PNPLA3: variants seen among roughly 807,000 people sequenced by gnomAD.
PNPLA3 encodes the protein 1-acylglycerol-3-phosphate O-acyltransferase PNPLA3.
PNPLA3 carries 42 observed loss-of-function variants against 43.1 expected under a neutral mutation model. That is an observed-to-expected ratio of 0.97 (90% CI 0.76 to 1.26). PNPLA3 has a LOEUF of 1.26. Ranked by LOEUF, PNPLA3 falls within the 50% of genes most tolerant of loss-of-function variation. The pLI, the probability that PNPLA3 is intolerant of heterozygous loss-of-function variation, is 0.00. For synonymous variants in PNPLA3, 272 were observed against 253.6 expected, an observed-to-expected ratio of 1.07 and a Z score of -0.69; for missense variants, 647 against 621.4, an observed-to-expected ratio of 1.04 and a Z score of -0.44.
chr22:43,939,854 C>T, intron 6 of PNPLA3, 139 bp from the exon 7 acceptor site: 2 of 1,198,748 alleles, frequency 1.7e-6, no homozygotes, highest in Non-Finnish European at 2.4e-6. Flanking sequence ...CAAACCCCAC[C>T]TTGTCGCTTT....
chr22:43,938,964 C>T (rs147677304), intron 6 of PNPLA3, among the ~76,000 whole-genome samples: 61 of 152,314 alleles, frequency 4.0e-4, no homozygotes, highest in Non-Finnish European at 7.6e-4. Context: ...CACTCTGTTG[C>T]CCAGGCTGGA....
intron 6 of PNPLA3, among the ~76,000 whole-genome samples, chr22:43,937,649 A>G (rs2050004793): frequency 2.0e-5 from 3 of 152,120 alleles, no homozygotes; most frequent in South Asian, 4.1e-4. Context: ...CATGGACCCC[A>G]AGGATGGGGG....
Position 43,946,729 on chromosome 22 carries a change from C to A in PNPLA3, c.*347C>A, listed in dbSNP as rs41278869. ...TGACAGGTGTTTGGATGGGTGGGGG[C>A]CTTGTGATGGGGGGTAGGCTGGCCC... is the stretch of plus-strand genomic sequence containing the variant. On this transcript the variant is annotated 3_prime_UTR_variant, in exon 9 of 9. Transcript: ENST00000216180. 5 of 538,026 alleles carry A rather than the reference C, an allele frequency of 9.3e-6. No individual in the cohort carries two copies. Among genetic ancestry groups the A allele is most frequent in the South Asian group, 7.0e-5 (5 of 71,654 alleles). The allele number at this position is 538,026 out of a possible 1,614,324, so 33.3% of individuals were successfully genotyped here.
intron 5 of PNPLA3, 68 bp downstream of exon 5, chr22:43,934,734 C>A: frequency 6.8e-7 from 1 of 1,474,592 alleles, no homozygotes; most frequent in Non-Finnish European, 9.5e-7. Flanking sequence ...TTGGTAAAGA[C>A]TTGAGATTTG....
At chr22:43,934,719 C>T (rs1483512914) in intron 5 of PNPLA3, 53 bp downstream of exon 5, 40 of 1,529,202 alleles carry the variant, frequency 2.6e-5, no homozygotes, top group African/African-American at 4.1e-5. Context: ...CATTTACTAG[C>T]GGTCTTGGTA....
chr22:43,945,811 G>T (rs2050059274), intron 8 of PNPLA3, among the ~76,000 whole-genome samples: 1 of 152,144 alleles, frequency 6.6e-6, no homozygotes. Flanking sequence ...CCTGGTGACT[G>T]GTGGTCAGTG....
At chr22:43,929,532 C>G (rs2049947997) in intron 3 of PNPLA3, among the ~76,000 whole-genome samples, 1 of 150,686 alleles carries the variant, frequency 6.6e-6, no homozygotes, top group East Asian at 1.9e-4. Flanking sequence ...AATCTGTTAC[C>G]CCTGGAAGGT....
At position 43,934,671 on chromosome 22, in the gene PNPLA3, G is replaced by T. The variant is rs763934298; in HGVS notation, c.757+5G>T. 1 of 1,609,802 alleles carries T rather than the reference G, an allele frequency of 6.2e-7. No individual in the cohort carries two copies. The highest frequency in any genetic ancestry group is 1.7e-5 in the Admixed American group (1 of 60,020). Reference sequence around the variant, plus strand: ...TCAGGTTCTTGGAAGAGAAGGGTATGTATGGGCTGGGAGGATCAGCCATGC... The same window carrying T: ...TCAGGTTCTTGGAAGAGAAGGGTATTTATGGGCTGGGAGGATCAGCCATGC... On this transcript the variant is annotated splice_donor_5th_base_variant and intron_variant, in intron 5 of 8. Coordinates refer to ENST00000216180, the MANE Select transcript of PNPLA3 (RefSeq NM_025225.3).
chr22:43,928,970 G>A, intron 3 of PNPLA3, 81 bp downstream of exon 3: 1 of 1,409,792 alleles, frequency 7.1e-7, no homozygotes, highest in South Asian at 1.1e-5. Context: ...CAGGGCACTG[G>A]TGTCGGGCAC....
At position 43,937,228 on chromosome 22, in the gene PNPLA3, G is replaced by A; in HGVS notation, c.935G>A (p.Trp312Ter). Residue 312 changes from tryptophan (W) to a stop codon, truncating the protein, a stop_gained, in exon 6 of 9, where the codon TGG becomes TAG. Coordinates refer to ENST00000216180, the MANE Select transcript of PNPLA3 (RefSeq NM_025225.3). LOFTEE classifies it high-confidence loss of function. The part of the protein sequence containing the change: ...LDHLRLSILP[W>*]DESILDTLSP... ...CACCTGCGTCTCAGCATCCTGCCCT[G>A]GGATGAGAGCATCCTGGACACCCTC... The A allele has an allele frequency of 6.2e-7, 1 of 1,614,068 alleles. No homozygotes were observed. The highest frequency in any genetic ancestry group is 1.3e-5 in the African/African-American group (1 of 75,026).
chr22:43,937,466 G>A (rs1253144230), intron 6 of PNPLA3, among the ~76,000 whole-genome samples, 194 bp downstream of exon 6: 1 of 152,130 alleles, frequency 6.6e-6, no homozygotes, highest in Non-Finnish European at 1.5e-5. Flanking sequence ...CCCAATCCTG[G>A]AACCTTGCCA....
chr22:43,941,378 G>T (rs1603417214), intron 7 of PNPLA3, among the ~76,000 whole-genome samples: 2 of 151,760 alleles, frequency 1.3e-5, no homozygotes, highest in South Asian at 2.1e-4. Context: ...TCAGAGCTTG[G>T]CTCAGCAGTC....
intron 7 of PNPLA3, among the ~76,000 whole-genome samples, chr22:43,942,701 C>CTTTTTTTTTTTTT (rs398037291): frequency 1.1e-4 from 13 of 113,674 alleles, no homozygotes; most frequent in South Asian, 3.1e-4. Flanking sequence ...TTTCTTTTTT[C>CTTTTTTTTTTTTT]TTTTTTTTTT....
At chr22:43,928,733 T>C (rs2049941637) in intron 2 of PNPLA3, 91 bp from the exon 3 acceptor site, 5 of 1,236,044 alleles carry the variant, frequency 4.0e-6, no homozygotes, top group Non-Finnish European at 5.9e-6. Flanking sequence ...TTCAAGTTTG[T>C]TGCCCTGCTC....
intron 6 of PNPLA3, chr22:43,939,387 T>C (rs2050016396): frequency 1.0e-6 from 1 of 982,518 alleles, no homozygotes; most frequent in Non-Finnish European, 1.2e-6. Flanking sequence ...AAGCAGGCTT[T>C]CTGGAATGGC....
intron 5 of PNPLA3, among the ~76,000 whole-genome samples, chr22:43,936,604 G>A (rs181050906): frequency 6.6e-6 from 1 of 152,314 alleles, no homozygotes; most frequent in Non-Finnish European, 1.5e-5. Context: ...TCCTGGCTCT[G>A]CTATGTATTG....
chr22:43,943,450 T>C (rs1433587950), intron 7 of PNPLA3, among the ~76,000 whole-genome samples: 1 of 152,196 alleles, frequency 6.6e-6, no homozygotes, highest in Non-Finnish European at 1.5e-5. Context: ...TCCCTGGAGC[T>C]GGTTGAACTG....
Position 43,946,769 on chromosome 22 carries a change from G to A in PNPLA3, c.*387G>A, listed in dbSNP as rs1233441536. The stretch of plus-strand genomic sequence containing the variant: ...TAGGCTGGCCCATGTGTGATCTTGT[G>A]GGGTGGAGGGAAGAGAATAGCATGA... On this transcript the variant is annotated 3_prime_UTR_variant, in exon 9 of 9. Coordinates refer to ENST00000216180, the MANE Select transcript of PNPLA3 (RefSeq NM_025225.3). 2 of 525,790 alleles carry A rather than the reference G, an allele frequency of 3.8e-6. No homozygotes were observed. The highest frequency in any genetic ancestry group is 1.9e-5 in the Admixed American group (1 of 51,676). The allele number at this position is 525,790 out of a possible 1,614,324, so 32.6% of individuals were successfully genotyped here. A position where few individuals can be genotyped will look rare whatever the true frequency, so the allele number is the denominator to read the frequency against.
chr22:43,933,223 G>A, intron 4 of PNPLA3, 136 bp downstream of exon 4: 2 of 838,736 alleles, frequency 2.4e-6, no homozygotes, highest in African/African-American at 1.7e-5. Flanking sequence ...GAAATAAAAG[G>A]CGCTTGTCCC....
Sources: gnomAD v4.1 joint callset for allele counts (sites outside exome capture counted in the v4.1 genomes callset) on GRCh38, gnomAD v4.1.1 for gene constraint, MANE v1.5 for transcripts, NCBI Gene and HGNC (gene_info 2026-07-23, HGNC 2026-07-21) for gene names.